Variants in DCHS2 observed in about 807,000 individuals in gnomAD.
DCHS2 encodes protocadherin-23.
In DCHS2, 142 loss-of-function variants were observed where a neutral mutation model predicts 182.4. The ratio of observed to expected loss-of-function variants is 0.78; its 90% confidence interval spans 0.68 to 0.89. The LOEUF is 0.89. Ranked by LOEUF, DCHS2 falls within the 40% of genes least tolerant of loss-of-function variation. The probability of loss-of-function intolerance (pLI) is 0.00; values close to 1 mark genes in which losing one functional copy is unlikely to be tolerated. For missense variants in DCHS2, 4,319 were observed against 4,198.6 expected (o/e 1.03, Z -0.79); for synonymous variants, 1,740 against 1,663.3 (o/e 1.05, Z -1.12).
intron 3 of DCHS2, among the ~76,000 whole-genome samples, chr4:154,362,584 A>G (rs1327357070): frequency 6.6e-6 from 1 of 152,160 alleles, no homozygotes; most frequent in Non-Finnish European, 1.5e-5. Flanking sequence ...GAGGAAGACT[A>G]CAGTTGAGCC....
chr4:154,408,354 C>T (rs899091250), intron 1 of DCHS2, among the ~76,000 whole-genome samples: 1 of 152,126 alleles, frequency 6.6e-6, no homozygotes, highest in Non-Finnish European at 1.5e-5. Flanking sequence ...AGCACTGAAA[C>T]TCTATCCAAG....
chr4:154,377,525 T>C lies in DCHS2; in HGVS notation c.2053-81A>G, dbSNP rs1040660550. On this transcript the variant is annotated intron_variant, in intron 1 of 19. Transcript: ENST00000357232. ...TCAGTCATGAATTATTAAAACAATT[T>C]GCACAACCACATAACCCCCATAGCT... 9 of 1,176,182 alleles carry C rather than the reference T, an allele frequency of 7.7e-6. No homozygotes were observed. The East Asian group carries it at 9.8e-5, about 13-fold the overall frequency. 72.9% of individuals were successfully genotyped at this position (1,176,182 alleles called of 1,614,324 possible). A position where few individuals can be genotyped will look rare whatever the true frequency, so the allele number is the denominator to read the frequency against.
intron 1 of DCHS2, among the ~76,000 whole-genome samples, chr4:154,386,092 G>A (rs1322238509): frequency 1.3e-5 from 2 of 152,060 alleles, no homozygotes; most frequent in Non-Finnish European, 2.9e-5. Context: ...TTTAGTGAAC[G>A]ATACTACCAT....
intron 1 of DCHS2, among the ~76,000 whole-genome samples, chr4:154,408,816 G>A (rs115692864): frequency 0.012 from 1,770 of 151,970 alleles, 27 homozygotes; most frequent in African/African-American, 0.038. Flanking sequence ...TTTTTGCGGA[G>A]AAAAAGTAAG....
chr4:154,311,406 A>AT (rs918289018), intron 10 of DCHS2, among the ~76,000 whole-genome samples: 1 of 150,576 alleles, frequency 6.6e-6, no homozygotes, highest in African/African-American at 2.4e-5. Context: ...AAATTTTTAT[A>AT]TTTTTTTTTG....
At chr4:154,299,474 T>A (rs978908385) in intron 12 of DCHS2, among the ~76,000 whole-genome samples, 3 of 152,222 alleles carry the variant, frequency 2.0e-5, no homozygotes, top group African/African-American at 7.2e-5. Context: ...GTGGTTCATA[T>A]GCTTGCCAGC....
At chr4:154,385,129 T>A (rs1731345680) in intron 1 of DCHS2, among the ~76,000 whole-genome samples, 1 of 137,004 alleles carries the variant, frequency 7.3e-6, no homozygotes, top group Non-Finnish European at 1.5e-5. Context: ...TGTGTCCATG[T>A]GTTCTCATTG....
chr4:154,409,969 A>C (rs1732553969), intron 1 of DCHS2, among the ~76,000 whole-genome samples: 1 of 152,160 alleles, frequency 6.6e-6, no homozygotes, highest in Admixed American at 6.5e-5. Context: ...TTGGAACCAA[A>C]GTCATCACAC....
At chr4:154,256,554 C>T (rs993376444) in intron 15 of DCHS2, among the ~76,000 whole-genome samples, 5 of 152,138 alleles carry the variant, frequency 3.3e-5, no homozygotes, top group African/African-American at 4.8e-5. Flanking sequence ...GAGGATAAAA[C>T]AGAAGTTTTA....
At chr4:154,249,409 A>G (rs933206349) in intron 16 of DCHS2, among the ~76,000 whole-genome samples, 1 of 152,208 alleles carries the variant, frequency 6.6e-6, no homozygotes, top group Non-Finnish European at 1.5e-5. Flanking sequence ...CTATTATTAA[A>G]AAGTCAAAAA....
At chr4:154,346,020 T>C (rs1393319784) in intron 3 of DCHS2, among the ~76,000 whole-genome samples, 1 of 152,218 alleles carries the variant, frequency 6.6e-6, no homozygotes, top group Non-Finnish European at 1.5e-5. Flanking sequence ...GCCATCTTCT[T>C]GTATACTCAC....
intron 1 of DCHS2, among the ~76,000 whole-genome samples, chr4:154,474,428 A>T (rs1474900263): frequency 6.6e-6 from 1 of 152,118 alleles, no homozygotes; most frequent in African/African-American, 2.4e-5. Context: ...ACGCAAGGCT[A>T]TGCCCCTTCC....
chr4:154,406,513 G>A (rs918016361), intron 1 of DCHS2, among the ~76,000 whole-genome samples: 1 of 152,186 alleles, frequency 6.6e-6, no homozygotes, highest in Non-Finnish European at 1.5e-5. Context: ...GGGAGGACAA[G>A]TCCAGTATTG....
intron 1 of DCHS2, among the ~76,000 whole-genome samples, chr4:154,488,276 T>G (rs1579130053): frequency 1.3e-5 from 2 of 148,914 alleles, no homozygotes; most frequent in African/African-American, 4.9e-5. Flanking sequence ...GAAGGAGAGA[T>G]CAGGAAAACT....
In DCHS2 at chr4:154,304,848, A is replaced by G. The variant is rs1437059865; in HGVS notation, c.5426T>C (p.Leu1809Ser). The G allele has an allele frequency of 2.5e-6, 4 of 1,612,958 alleles. No individual in the cohort carries two copies. Among genetic ancestry groups the G allele is most frequent in the Non-Finnish European group, 3.4e-6 (4 of 1,179,492 alleles). ...VLVRDGGFPSLSSTTTILCTV... is the reference protein window; with the variant it reads ...VLVRDGGFPSSSSTTTILCTV... The stretch of plus-strand genomic sequence containing the variant: ...GCAGAGGATTGTTGTGGTGCTGGAC[A>G]ATGAAGGGAATCCCCCATCTCGTAC... Residue 1809 changes from leucine (L) to serine (S), a missense_variant, in exon 12 of 20, where the codon TTG (leucine) becomes TCG (serine). Coordinates refer to ENST00000357232, the MANE Select transcript of DCHS2 (RefSeq NM_001358235.2).
chr4:154,316,613 T>C (rs1447425287), intron 9 of DCHS2, among the ~76,000 whole-genome samples: 2 of 151,962 alleles, frequency 1.3e-5, no homozygotes, highest in African/African-American at 2.4e-5. Flanking sequence ...TGAAACTCCA[T>C]CTCCTCTAAA....
chr4:154,489,984 G>C lies in DCHS2; in HGVS notation c.1372C>G (p.Leu458Val). 5 of 1,549,422 alleles carry C rather than the reference G, an allele frequency of 3.2e-6. No homozygotes were observed. Among genetic ancestry groups the C allele is most frequent in the Non-Finnish European group, 4.4e-6 (5 of 1,146,250 alleles). The change falls in exon 1 of 20, where the codon CTT (leucine) becomes GTT (valine). Residue 458 changes from leucine to valine, a missense_variant. Physicochemically the swap from Leu to Val is conservative, Grantham distance 32. Coordinates refer to ENST00000357232, the MANE Select transcript of DCHS2 (RefSeq NM_001358235.2). ...CTCCCGTCTCCAAGACCCACACCAAGCTCCCCTGTGGCCTCATCTTCCTTC... is the reference window on the plus strand; with the variant it reads ...CTCCCGTCTCCAAGACCCACACCAACCTCCCCTGTGGCCTCATCTTCCTTC... Reference protein sequence around the residue: ...WEKEDEATGELGVGLGDGSIS... With the variant: ...WEKEDEATGEVGVGLGDGSIS...
chr4:154,468,101 T>C (rs573164365), intron 1 of DCHS2, among the ~76,000 whole-genome samples: 8 of 152,172 alleles, frequency 5.3e-5, no homozygotes, highest in African/African-American at 9.6e-5. Flanking sequence ...TGATTAGTTG[T>C]TTCATATACA....
chr4:154,313,691 T>C (rs1270697870), intron 10 of DCHS2, among the ~76,000 whole-genome samples: 2 of 152,154 alleles, frequency 1.3e-5, no homozygotes, highest in African/African-American at 2.4e-5. Context: ...ACACAAATAT[T>C]CACATGTGTT....
Sources: allele counts gnomAD v4.1 joint callset (sites outside exome capture counted in the v4.1 genomes callset), GRCh38; gene constraint gnomAD v4.1.1; transcripts MANE v1.5; gene names NCBI Gene and HGNC (gene_info 2026-07-23, HGNC 2026-07-21).